TLN2: variants seen among roughly 807,000 people sequenced by gnomAD.
TLN2 encodes the protein talin 2, also known as talin-2.
TLN2 carries 118 observed loss-of-function variants against 294.7 expected under a neutral mutation model. The observed-to-expected ratio is 0.40, with a 90% confidence interval of 0.34 to 0.47. TLN2 has a LOEUF of 0.47. Ranked by LOEUF, TLN2 falls within the 20% of genes least tolerant of loss-of-function variation. TLN2 has a pLI of 0.84. For synonymous variants in TLN2, 1,431 were observed against 1,304.5 expected (o/e 1.10, Z -2.09); for missense variants, 3,083 against 3,282.2 (o/e 0.94, Z 1.48).
At chr15:62,812,368 C>T (rs1026635741) in intron 52 of TLN2, among the ~76,000 whole-genome samples, 8 of 152,122 alleles carry the variant, frequency 5.3e-5, no homozygotes, top group African/African-American at 1.9e-4. Flanking sequence ...CACACATGGG[C>T]CTCAGGTTGG....
In TLN2 at chr15:62,722,296, T is replaced by C. The variant is rs967225412; in HGVS notation, c.2992-57T>C. 1.3e-5 allele frequency: 20 copies of C among 1,551,808 alleles called. No individual in the cohort carries two copies. In the African/African-American group the frequency reaches 2.7e-4, roughly 21 times the overall value. On this transcript the variant is annotated intron_variant, in intron 25 of 58. Coordinates refer to ENST00000636159, the MANE Select transcript of TLN2 (RefSeq NM_015059.3). ...GTGGAGACCTCGCTGCTTAGGTCTC[T>C]CCTCTCTACCTCTTGCTGCCCAGGA...
chr15:62,564,921 A>AT (rs1160315259), intron 1 of TLN2, among the ~76,000 whole-genome samples: 2,106 of 112,802 alleles, frequency 0.019, 13 homozygotes, highest in Middle Eastern at 0.03. Flanking sequence ...AAAAAAAAAA[A>AT]AAAAATATAT....
At chr15:62,426,631 T>TG (rs1236309993) in intron 1 of TLN2, among the ~76,000 whole-genome samples, 2 of 152,230 alleles carry the variant, frequency 1.3e-5, no homozygotes, top group African/African-American at 4.8e-5. Context: ...GTCAGATCAC[T>TG]GGGGGCCCCG....
At chr15:62,530,770 G>A (rs1404103781) in intron 1 of TLN2, among the ~76,000 whole-genome samples, 1 of 152,202 alleles carries the variant, frequency 6.6e-6, no homozygotes, top group Non-Finnish European at 1.5e-5. Context: ...TGTACTTTCT[G>A]ATCTTCGTCT....
intron 55 of TLN2, 77 bp downstream of exon 55, chr15:62,833,706 C>G (rs2069130648): frequency 2.6e-6 from 4 of 1,553,676 alleles, no homozygotes; most frequent in African/African-American, 2.7e-5. Context: ...GAGCTACAAG[C>G]TTTTGTCCTG....
chr15:62,414,441 A>G (rs1349320399), intron 1 of TLN2, among the ~76,000 whole-genome samples: 1 of 138,716 alleles, frequency 7.2e-6, no homozygotes, highest in African/African-American at 2.6e-5. Flanking sequence ...CTCAAAGTGT[A>G]GTCCAGGACC....
chr15:62,460,260 GTTT>G (rs570067801), intron 1 of TLN2, among the ~76,000 whole-genome samples: 1 of 139,270 alleles, frequency 7.2e-6, no homozygotes, highest in Non-Finnish European at 1.6e-5. Context: ...TAGCCACATG[GTTT>G]TTTTTTTTTT....
At chr15:62,462,749 G>A (rs1057178525) in intron 1 of TLN2, among the ~76,000 whole-genome samples, 8 of 152,218 alleles carry the variant, frequency 5.3e-5, no homozygotes, top group Non-Finnish European at 8.8e-5. Context: ...CAGAACCAGT[G>A]TGGTGTGAGG....
intron 1 of TLN2, among the ~76,000 whole-genome samples, chr15:62,407,957 A>AATAG (rs2033519824): frequency 7.0e-6 from 1 of 143,534 alleles, no homozygotes; most frequent in Non-Finnish European, 1.5e-5. Context: ...TAAATAAATA[A>AATAG]AAGAAAAAGG....
intron 3 of TLN2, chr15:62,644,608 G>A: frequency 2.2e-6 from 1 of 456,014 alleles, no homozygotes. Flanking sequence ...CTGCTTCCCA[G>A]CTCTCTGAGC....
At chr15:62,456,920 G>A (rs550385541) in intron 1 of TLN2, among the ~76,000 whole-genome samples, 1 of 152,248 alleles carries the variant, frequency 6.6e-6, no homozygotes, top group East Asian at 1.9e-4. Context: ...CCACCAAGCT[G>A]TGGGATGGGG....
intron 1 of TLN2, among the ~76,000 whole-genome samples, chr15:62,493,100 G>C (rs2038835954): frequency 6.6e-6 from 1 of 152,168 alleles, no homozygotes; most frequent in South Asian, 2.1e-4. Flanking sequence ...ATGGTTCAGG[G>C]AGGGACAGAT....
chr15:62,763,718 T>G, intron 40 of TLN2, 23 bp downstream of exon 40: 1 of 1,583,562 alleles, frequency 6.3e-7, no homozygotes. Flanking sequence ...TCTGGGGGCC[T>G]GCTTAGTCGC....
intron 1 of TLN2, among the ~76,000 whole-genome samples, chr15:62,435,116 A>G (rs181395802): frequency 6.6e-6 from 1 of 152,158 alleles, no homozygotes; most frequent in East Asian, 1.9e-4. Flanking sequence ...TTATGGCTGC[A>G]TAGTATTCCA....
intron 2 of TLN2, among the ~76,000 whole-genome samples, chr15:62,616,926 G>C (rs1039637272): frequency 6.6e-6 from 1 of 152,092 alleles, no homozygotes; most frequent in African/African-American, 2.4e-5. Context: ...CCTGTGACTG[G>C]TGTGATCCTT....
chr15:62,712,860 C>G (rs2059510959), intron 22 of TLN2, among the ~76,000 whole-genome samples: 1 of 152,054 alleles, frequency 6.6e-6, no homozygotes, highest in African/African-American at 2.4e-5. Flanking sequence ...GTACCTAGCA[C>G]ACATTTCTTA....
intron 27 of TLN2, 24 bp downstream of exon 27, chr15:62,725,128 G>T (rs995492705): frequency 1.3e-6 from 2 of 1,596,782 alleles, no homozygotes. Context: ...GCCAGCTGGG[G>T]TGCGGGTGTA....
At chr15:62,815,876 C>T (rs530713128) in intron 52 of TLN2, among the ~76,000 whole-genome samples, 13 of 152,208 alleles carry the variant, frequency 8.5e-5, no homozygotes, top group Non-Finnish European at 1.8e-4. Flanking sequence ...TGTTCCCACT[C>T]CTATTCTCTC....
chr15:62,777,734 A>G (rs936784519), intron 43 of TLN2, among the ~76,000 whole-genome samples: 1 of 152,226 alleles, frequency 6.6e-6, no homozygotes, highest in African/African-American at 2.4e-5. Flanking sequence ...TATATGCAAA[A>G]GCCCATAGTA....
Sources: gnomAD v4.1 joint callset for allele counts (sites outside exome capture counted in the v4.1 genomes callset) on GRCh38, gnomAD v4.1.1 for gene constraint, MANE v1.5 for transcripts, NCBI Gene and HGNC (gene_info 2026-07-23, HGNC 2026-07-21) for gene names.